LTK: variants seen among roughly 807,000 people sequenced by gnomAD.
The protein encoded by LTK is leukocyte tyrosine kinase receptor.
LTK carries 117 observed loss-of-function variants against 101.5 expected under a neutral mutation model. That is an observed-to-expected ratio of 1.15 (90% CI 0.99 to 1.34). The LOEUF is 1.34. LTK is among the 40% of genes most tolerant of loss of function. The pLI is 0.00. For synonymous variants in LTK, 563 were observed against 494.2 expected (o/e 1.14, Z -1.85); for missense variants, 1,252 against 1,164.7 (o/e 1.07, Z -1.09).
At position 41,508,110 on chromosome 15, in the gene LTK, G is replaced by A. The variant is rs777007224; in HGVS notation, c.1208C>T (p.Pro403Leu). The change falls in exon 9 of 20, where the codon CCA becomes CTA. Residue 403 changes from proline (P) to leucine (L), a missense_variant. Pro to Leu is a moderately conservative substitution (Grantham distance 98). Coordinates refer to ENST00000263800, the MANE Select transcript of LTK (RefSeq NM_002344.6). ...ATCCACAGCTAGCTCCATGCCTTCT[G>A]GGCACAGGCATTCAGCCAGCTGGAG... ...AELQLAECLC[P>L]EGMELAVDNV... 4.3e-6 allele frequency: 7 copies of A among 1,613,240 alleles called. 1 individual carries two copies. The South Asian group carries it at 5.5e-5, about 13-fold the overall frequency.
Position 41,511,834 on chromosome 15 carries a change from C to A in LTK, c.640G>T (p.Ala214Ser). ...GCACGTACCCGGAAAACGTAGGTGGCGCCCCCGCCACCCCCGCCACCTCCC... is the reference window on the plus strand; with the variant it reads ...GCACGTACCCGGAAAACGTAGGTGGAGCCCCCGCCACCCCCGCCACCTCCC... Reference protein sequence around the residue: ...WAGGGGGGGGATYVFRVRAGE... With the variant: ...WAGGGGGGGGSTYVFRVRAGE... The change falls in exon 5 of 20, where the codon GCC becomes TCC. Residue 214 changes from alanine (A) to serine (S), a missense_variant. Coordinates refer to ENST00000263800, the MANE Select transcript of LTK (RefSeq NM_002344.6). The surrounding 1 kb of genome is among the most constrained non-coding windows in gnomAD (Gnocchi z 5.9). 1 of 1,482,078 alleles carries A rather than the reference C, an allele frequency of 6.7e-7. No individual in the cohort carries two copies. The highest frequency in any genetic ancestry group is 8.9e-7 in the Non-Finnish European group (1 of 1,125,396). 91.8% of individuals were successfully genotyped at this position (1,482,078 alleles called of 1,614,324 possible).
In LTK at chr15:41,511,927, A is replaced by G. The variant is rs746253354; in HGVS notation, c.547T>C (p.Ser183Pro). The change falls in exon 5 of 20, where the codon TCT becomes CCT. Residue 183 changes from serine to proline, a missense_variant. Coordinates refer to ENST00000263800, the MANE Select transcript of LTK (RefSeq NM_002344.6). The surrounding 1 kb of genome is among the most constrained non-coding windows in gnomAD (Gnocchi z 5.9). ...GCCGCGTGCTCTTCAACGGCTCGAG[A>G]CTCCCCGAGGCAGACGAGCTGGCTC... ...PESQLVCLGE[S>P]RAVEEHAAMD... The G allele has an allele frequency of 2.7e-6, 4 of 1,498,762 alleles. No individual in the cohort carries two copies. Among genetic ancestry groups the G allele is most frequent in the Admixed American group, 2.6e-5 (1 of 38,254 alleles). 92.8% of individuals were successfully genotyped at this position (1,498,762 alleles called of 1,614,324 possible). A position where few individuals can be genotyped will look rare whatever the true frequency, so the allele number is the denominator to read the frequency against.
chr15:41,504,801 C>T lies in LTK; in HGVS notation c.2092G>A (p.Gly698Ser), dbSNP rs1381785038. The change falls in exon 17 of 20, where the codon GGC becomes AGC. Residue 698 changes from glycine to serine, a missense_variant. Gly to Ser is a moderately conservative substitution (Grantham distance 56). Coordinates refer to ENST00000263800, the MANE Select transcript of LTK (RefSeq NM_002344.6). ...GAATCTGTCTTGGATGTGAAGATGC[C>T]CTCCAGGAAGGCCTCTGGGGGCATC... ...KWMPPEAFLE[G>S]IFTSKTDSWS... 9.9e-6 allele frequency: 16 copies of T among 1,612,964 alleles called. No individual in the cohort carries two copies. The highest frequency in any genetic ancestry group is 4.0e-5 in the African/African-American group (3 of 74,900).
At chr15:41,509,492 A>G (rs2051386937) in intron 7 of LTK, among the ~76,000 whole-genome samples, 1 of 152,222 alleles carries the variant, frequency 6.6e-6, no homozygotes. Flanking sequence ...ACTCTCCCTT[A>G]CAGTTTCTGA....
At chr15:41,506,137 T>C (rs962929995) in intron 11 of LTK, 132 bp from the exon 12 acceptor site, 2 of 608,824 alleles carry the variant, frequency 3.3e-6, no homozygotes, top group Non-Finnish European at 5.9e-6. Flanking sequence ...CTCCATACCA[T>C]GGCATGTCCC....
intron 17 of LTK, 39 bp from the exon 18 acceptor site, chr15:41,504,679 G>T (rs1312115691): frequency 6.2e-6 from 10 of 1,607,296 alleles, no homozygotes; most frequent in Non-Finnish European, 8.5e-6. Flanking sequence ...GGCCCGTCAG[G>T]TGTAGCCTCC....
rs1203209550 is a variant in LTK at position 41,507,642 on chromosome 15, G to A, written c.1265C>T (p.Pro422Leu). ...AGCCACCATCAGAACCAGAGGGCCT[G>A]GGGGCTTGTGCAGGTCTAGGGAGAA... is the stretch of plus-strand genomic sequence containing the variant. ...NVTCMDLHKP[P>L]GPLVLMVAVV... The change falls in exon 10 of 20, where the codon CCA becomes CTA. Residue 422 changes from proline (P) to leucine (L), a missense_variant. Coordinates refer to ENST00000263800, the MANE Select transcript of LTK (RefSeq NM_002344.6). 1.9e-6 allele frequency: 3 copies of A among 1,613,486 alleles called. No homozygotes were observed. Among genetic ancestry groups the A allele is most frequent in the South Asian group, 1.1e-5 (1 of 90,896 alleles).
intron 7 of LTK, among the ~76,000 whole-genome samples, chr15:41,510,440 A>G (rs1256108433): frequency 1.3e-5 from 2 of 150,752 alleles, no homozygotes; most frequent in Admixed American, 6.6e-5. Flanking sequence ...CCTTCCCCCA[A>G]CTCCCAGGAT....
Position 41,504,826 on chromosome 15 carries a change from C to A in LTK, c.2067G>T (p.Trp689Cys). The change falls in exon 17 of 20, where the codon TGG (tryptophan) becomes TGT (cysteine). Residue 689 changes from tryptophan to cysteine, a missense_variant. Physicochemically the swap from Trp to Cys is radical, Grantham distance 215. Transcript: ENST00000263800. ...RGDRALLPVK[W>C]MPPEAFLEGI... ...CCTCCAGGAAGGCCTCTGGGGGCAT[C>A]CACTTGACTGGGAGCAAGGCCCGGT... 1 of 1,613,390 alleles carries A rather than the reference C, an allele frequency of 6.2e-7. No individual in the cohort carries two copies. Among genetic ancestry groups the A allele is most frequent in the Non-Finnish European group, 8.5e-7 (1 of 1,179,898 alleles).
chr15:41,512,416 T>G, intron 3 of LTK, 151 bp from the exon 4 acceptor site: 1 of 933,264 alleles, frequency 1.1e-6, no homozygotes, highest in Non-Finnish European at 1.6e-6. Context: ...AGGGTAGGTT[T>G]GCACACCGAA....
In LTK at chr15:41,511,769, G is replaced by C. The variant is rs2140730860; in HGVS notation, c.657+48C>G. 1 of 1,472,896 alleles carries C rather than the reference G, an allele frequency of 6.8e-7. No homozygotes were observed. The highest frequency in any genetic ancestry group is 2.8e-5 in the East Asian group (1 of 35,632). 91.2% of individuals were successfully genotyped at this position (1,472,896 alleles called of 1,614,324 possible). ...GGAGAGCCGGTGCGTGAGCGCCCCT[G>C]GGGAGAGGATTGGGACCCCAACGCT... On this transcript the variant is annotated intron_variant, in intron 5 of 19. Coordinates refer to ENST00000263800, the MANE Select transcript of LTK (RefSeq NM_002344.6). This position sits in a 1 kb window ranked among gnomAD's most constrained non-coding sequence, Gnocchi z 5.9.
In LTK at chr15:41,508,087, C is replaced by T; in HGVS notation, c.1231G>A (p.Asp411Asn). The change falls in exon 9 of 20, where the codon GAT (aspartate) becomes AAT (asparagine). Residue 411 changes from aspartate (D) to asparagine (N), a missense_variant. Coordinates refer to ENST00000263800, the MANE Select transcript of LTK (RefSeq NM_002344.6). ...LCPEGMELAVDNVTCMDLHKP... is the reference protein window; with the variant it reads ...LCPEGMELAVNNVTCMDLHKP... ...GACATACCCATGCAGGTGACGTTAT[C>T]CACAGCTAGCTCCATGCCTTCTGGG... is the stretch of plus-strand genomic sequence containing the variant. The T allele has an allele frequency of 6.2e-7, 1 of 1,608,494 alleles. No individual in the cohort carries two copies. Among genetic ancestry groups the T allele is most frequent in the South Asian group, 1.1e-5 (1 of 90,534 alleles).
In LTK at chr15:41,504,047, T is replaced by C; in HGVS notation, c.2544A>G (p.Lys848=). The change falls in exon 20 of 20, where the codon AAA becomes AAG. Residue 848 remains lysine (K), a synonymous_variant. Transcript: ENST00000263800. The part of the protein sequence containing the change: ...PWLSSGLKPL[K]SRGLQPQNLW... ...GGTTCTGAGGTTGGAGGCCCCTGGATTTGAGGGGCTTGAGGCCAGAGGACA... is the reference window on the plus strand; with the variant it reads ...GGTTCTGAGGTTGGAGGCCCCTGGACTTGAGGGGCTTGAGGCCAGAGGACA... 6.2e-7 allele frequency: 1 copy of C among 1,613,442 alleles called. No individual in the cohort carries two copies. Among genetic ancestry groups the C allele is most frequent in the African/African-American group, 1.3e-5 (1 of 75,012 alleles).
At chr15:41,507,024 C>G in intron 11 of LTK, 71 bp downstream of exon 11, 1 of 1,461,992 alleles carries the variant, frequency 6.8e-7, no homozygotes, top group Non-Finnish European at 9.4e-7. Flanking sequence ...TTATAATTCA[C>G]TACAGCAGGG....
rs781218434 is a variant in LTK at position 41,504,266 on chromosome 15, G to A, written c.2347-22C>T. The A allele has an allele frequency of 1.2e-5, 19 of 1,607,946 alleles. No individual in the cohort carries two copies. The South Asian group carries it at 1.8e-4, about 15-fold the overall frequency. On this transcript the variant is annotated intron_variant, in intron 19 of 19. Coordinates refer to ENST00000263800, the MANE Select transcript of LTK (RefSeq NM_002344.6). ...GGTCCTGTAATGGAAGAGTCAGGGAGCAGGGGGGCATAGAGTTTTCTGGCC... is the reference window on the plus strand; with the variant it reads ...GGTCCTGTAATGGAAGAGTCAGGGAACAGGGGGGCATAGAGTTTTCTGGCC...
rs759153075 is a variant in LTK, at chr15:41,503,964, C to A, written c.*32G>T. The A allele has an allele frequency of 6.4e-7, 1 of 1,556,474 alleles. No individual in the cohort carries two copies. Among genetic ancestry groups the A allele is most frequent in the Admixed American group, 2.0e-5 (1 of 50,374 alleles). The stretch of plus-strand genomic sequence containing the variant: ...GGAGTATAGGGAGGGACCCTCAGTG[C>A]CTCAGTCCTTACCCTCAGGGCCCCT... On this transcript the variant is annotated 3_prime_UTR_variant, in exon 20 of 20. Transcript: ENST00000263800.
Position 41,512,291 on chromosome 15 carries a change from C to T in LTK, c.360-26G>A, listed in dbSNP as rs751800133. On this transcript the variant is annotated intron_variant, in intron 3 of 19. Coordinates refer to ENST00000263800, the MANE Select transcript of LTK (RefSeq NM_002344.6). ...CTGCGGGGAACGGACGGTGAGTCCC[C>T]GGCCTTCGGTGCTCAGGCCGGCCGC... The T allele has an allele frequency of 1.9e-6, 3 of 1,601,982 alleles. No individual in the cohort carries two copies. The South Asian group carries it at 3.3e-5, about 18-fold the overall frequency.
chr15:41,505,320 G>T lies in LTK; in HGVS notation c.1828-15C>A, dbSNP rs1229798830. 4 of 1,613,784 alleles carry T rather than the reference G, an allele frequency of 2.5e-6. No homozygotes were observed. In the East Asian group the frequency reaches 8.9e-5, roughly 36 times the overall value. ...GATGGCTGGCCCTGGGTCAGGCAGA[G>T]GGGGCATCAGTCCATGTAGGTCTCA... is the stretch of plus-strand genomic sequence containing the variant. On this transcript the variant is annotated splice_polypyrimidine_tract_variant and intron_variant, in intron 14 of 19. Transcript: ENST00000263800.
Position 41,508,241 on chromosome 15 carries a change from T to C in LTK, c.1097-20A>G. 1 of 1,603,440 alleles carries C rather than the reference T, an allele frequency of 6.2e-7. No homozygotes were observed. The highest frequency in any genetic ancestry group is 8.5e-7 in the Non-Finnish European group (1 of 1,174,462). On this transcript the variant is annotated intron_variant, in intron 8 of 19. Transcript: ENST00000263800. ...CGGTGACTGTGAGTAAAAGAACTGA[T>C]ATGATATGGTGTGGTAGGGCTGGGA...
Sources: allele counts gnomAD v4.1 joint callset (sites outside exome capture counted in the v4.1 genomes callset), GRCh38; gene constraint gnomAD v4.1.1; non-coding constraint Gnocchi (gnomAD v3.1); transcripts MANE v1.5; gene names NCBI Gene and HGNC (gene_info 2026-07-23, HGNC 2026-07-21).